ZNF341: variants seen among roughly 807,000 people sequenced by gnomAD.
ZNF341 encodes zinc finger protein 341.
Under a neutral mutation model 87.7 loss-of-function variants are expected in ZNF341, and 52 were observed. The ratio of observed to expected loss-of-function variants is 0.59; its 90% confidence interval spans 0.47 to 0.75. The LOEUF is 0.75. Among genes scored for constraint, ZNF341 ranks in the 30% least tolerant of loss-of-function variants. The pLI is 0.00. For missense variants in ZNF341, 977 were observed against 1,145.9 expected (o/e 0.85, Z 2.13); for synonymous variants, 459 against 472.7 (o/e 0.97, Z 0.38).
intron 1 of ZNF341, among the ~76,000 whole-genome samples, chr20:33,738,486 TTTCTCCCTAGTTATCTTG>T (rs1271367336): frequency 1.3e-4 from 20 of 152,172 alleles, no homozygotes; most frequent in African/African-American, 4.1e-4. Context: ...GTAAACTAAA[TTTCTCCCTAGTTATCTTG>T]GCCCAAGCCC....
At position 33,752,221 on chromosome 20, in the gene ZNF341, A is replaced by G. The variant is rs553109140; in HGVS notation, c.490-951A>G. On this transcript the variant is annotated intron_variant, in intron 4 of 14. Coordinates refer to ENST00000375200, the MANE Select transcript of ZNF341 (RefSeq NM_001282933.2). ...GATTTTTGAAAGTGGTAACAGGTAC[A>G]TAGGTAACCAAAGTATAGAGCTTAT... The G allele has an allele frequency of 2.1e-5, 12 of 570,818 alleles. No homozygotes were observed. In the East Asian group the frequency reaches 2.6e-4, roughly 12 times the overall value. The allele number at this position is 570,818 out of a possible 1,614,324, so 35.4% of individuals were successfully genotyped here. A position where few individuals can be genotyped will look rare whatever the true frequency, so the allele number is the denominator to read the frequency against.
chr20:33,791,512 G>A lies in ZNF341; in HGVS notation c.2560G>A (p.Glu854Lys), dbSNP rs145996048. 1,171 of 1,553,932 alleles carry A rather than the reference G, an allele frequency of 7.5e-4. 1 individual carries two copies. Among genetic ancestry groups the A allele is most frequent in the Non-Finnish European group, 9.4e-4 (1,087 of 1,153,094 alleles). Residue 854 changes from glutamate to lysine, a missense_variant, in exon 15 of 15, where the codon GAG becomes AAG. Physicochemically the swap from Glu to Lys is moderately conservative, Grantham distance 56. Around this residue, in one of 3 missense-constraint regions of ZNF341, gnomAD observed 221 missense variants for 212.7 expected, o/e 1.04. Coordinates refer to ENST00000375200, the MANE Select transcript of ZNF341 (RefSeq NM_001282933.2). ...TGTGCCCGTCTACATCCAGGCCTCC[G>A]AGTGACGGACCTGAGGTGTCTGTTT... ...LAVPVYIQAS[E>K]
rs754883944 is a variant in ZNF341, at chr20:33,791,101, G to A, written c.2149G>A (p.Ala717Thr). 9.9e-6 allele frequency: 16 copies of A among 1,612,860 alleles called. No individual in the cohort carries two copies. Among genetic ancestry groups the A allele is most frequent in the Admixed American group, 3.3e-5 (2 of 60,006 alleles). Residue 717 changes from alanine (A) to threonine (T), a missense_variant, in exon 15 of 15, where the codon GCC becomes ACC. Transcript: ENST00000375200. ...GNYKFRCAGC[A>T]KGFSRHKYLK... ...CTACAAGTTCCGCTGTGCTGGCTGC[G>A]CCAAGGGCTTTTCCCGCCACAAATA...
intron 8 of ZNF341, 127 bp downstream of exon 8, chr20:33,762,182 T>C (rs2019309342): frequency 1.3e-6 from 1 of 761,456 alleles, no homozygotes. Flanking sequence ...CCTTTATCTA[T>C]AAAATGTGGC....
chr20:33,736,220 C>A (rs1024031844), intron 1 of ZNF341, among the ~76,000 whole-genome samples: 34 of 151,088 alleles, frequency 2.3e-4, no homozygotes, highest in Admixed American at 1.6e-3. Flanking sequence ...TTCTGGCCCT[C>A]CTCCCCCACT....
chr20:33,763,120 G>A (rs1323761434), intron 8 of ZNF341, among the ~76,000 whole-genome samples: 1 of 152,146 alleles, frequency 6.6e-6, no homozygotes, highest in Non-Finnish European at 1.5e-5. Flanking sequence ...TAGTGACATT[G>A]TTGCCATTGT....
chr20:33,747,746 T>G (rs1243044296), intron 3 of ZNF341, among the ~76,000 whole-genome samples: 4 of 146,838 alleles, frequency 2.7e-5, no homozygotes, highest in South Asian at 2.3e-4. Flanking sequence ...AAGGTCTTAC[T>G]GTCGCTCAGG....
Position 33,791,398 on chromosome 20 carries a change from G to C in ZNF341, c.2446G>C (p.Val816Leu), listed in dbSNP as rs2020026939. The change falls in exon 15 of 15, where the codon GTG becomes CTG. Residue 816 changes from valine (V) to leucine (L), a missense_variant. Physicochemically the swap from Val to Leu is conservative, Grantham distance 32 (BLOSUM62 1). Transcript: ENST00000375200. ...TGCGGTGGGCGCGGAAACTGAGCTG[G>C]TGGTACCTGGACACGCTGAGGGGCT... ...GGAVGAETEL[V>L]VPGHAEGLGS... is the part of the protein sequence containing the mutation. 3 of 1,612,500 alleles carry C rather than the reference G, an allele frequency of 1.9e-6. No individual in the cohort carries two copies. Among genetic ancestry groups the C allele is most frequent in the Non-Finnish European group, 2.5e-6 (3 of 1,179,740 alleles).
At chr20:33,738,626 A>C (rs1248076965) in intron 1 of ZNF341, among the ~76,000 whole-genome samples, 1 of 152,194 alleles carries the variant, frequency 6.6e-6, no homozygotes. Flanking sequence ...AGGTGGTTCC[A>C]GATAGTGGAG....
chr20:33,779,416 T>C (rs1167401609), intron 10 of ZNF341, among the ~76,000 whole-genome samples: 1 of 150,846 alleles, frequency 6.6e-6, no homozygotes, highest in East Asian at 1.9e-4. Context: ...GGGACACAGA[T>C]ACAAACTATG....
intron 8 of ZNF341, among the ~76,000 whole-genome samples, 173 bp downstream of exon 8, chr20:33,762,228 G>T (rs955347113): frequency 1.3e-5 from 2 of 152,074 alleles, no homozygotes; most frequent in Non-Finnish European, 2.9e-5. Context: ...CATACAACAT[G>T]TGTGGCATTA....
Position 33,757,240 on chromosome 20 carries a change from C to T in ZNF341, c.834C>T (p.Pro278=), listed in dbSNP as rs755246661. 124 of 1,605,414 alleles carry T rather than the reference C, an allele frequency of 7.7e-5. No homozygotes were observed. The highest frequency in any genetic ancestry group is 1.7e-4 in the Admixed American group (10 of 58,488). ...KQGFKPKGPN[P]AAPMTSATGG... is the part of the protein sequence containing the mutation. The stretch of plus-strand genomic sequence containing the variant: ...GATTCAAACCCAAAGGACCAAACCC[C>T]GCCGCCCCCATGACCAGCGCCACCG... The change falls in exon 6 of 15, where the codon CCC becomes CCT. Residue 278 remains proline (P), a synonymous_variant. Coordinates refer to ENST00000375200, the MANE Select transcript of ZNF341 (RefSeq NM_001282933.2).
At chr20:33,739,595 G>C (rs537113334) in intron 1 of ZNF341, among the ~76,000 whole-genome samples, 25 of 152,348 alleles carry the variant, frequency 1.6e-4, no homozygotes, top group African/African-American at 2.4e-4. Flanking sequence ...AAAAAAGATA[G>C]ACACACATTG....
At chr20:33,781,685 T>C (rs1336181428) in intron 11 of ZNF341, among the ~76,000 whole-genome samples, 1 of 150,664 alleles carries the variant, frequency 6.6e-6, no homozygotes, top group Non-Finnish European at 1.5e-5. Flanking sequence ...CTTATTACAA[T>C]TGGCTCTTCT....
rs753182939 is a variant in ZNF341 at position 33,791,157 on chromosome 20, C to T, written c.2205C>T (p.Pro735=). The change falls in exon 15 of 15, where the codon CCC becomes CCT. Residue 735 remains proline (P), a synonymous_variant. Transcript: ENST00000375200. ...YLKDHRCRLG[P]QKDKDLQTRR... is the part of the protein sequence containing the mutation. ...AAGATCACCGCTGTCGTCTCGGCCC[C>T]CAAAAGGACAAGGACCTGCAAACCC... is the stretch of plus-strand genomic sequence containing the variant. 1.9e-6 allele frequency: 3 copies of T among 1,613,270 alleles called. No individual in the cohort carries two copies. The highest frequency in any genetic ancestry group is 1.1e-5 in the South Asian group (1 of 91,088).
At chr20:33,741,065 A>G in intron 2 of ZNF341, 53 bp downstream of exon 2, 1 of 1,519,706 alleles carries the variant, frequency 6.6e-7, no homozygotes, top group Non-Finnish European at 9.1e-7. Flanking sequence ...CCCCGCGAAG[A>G]GTAGGTGGAG....
At chr20:33,752,871 G>A (rs1843717804) in intron 4 of ZNF341, among the ~76,000 whole-genome samples, 2 of 151,626 alleles carry the variant, frequency 1.3e-5, no homozygotes, top group South Asian at 2.1e-4. Context: ...AGGTTGTCTC[G>A]ATCTCCTGAC....
intron 6 of ZNF341, among the ~76,000 whole-genome samples, chr20:33,757,999 T>C (rs2019215924): frequency 1.3e-5 from 2 of 152,128 alleles, no homozygotes; most frequent in Admixed American, 1.3e-4. Context: ...TGAGAATTTT[T>C]CAGTGGCTTT....
intron 13 of ZNF341, 148 bp downstream of exon 13, chr20:33,789,122 C>T: frequency 1.6e-6 from 1 of 632,144 alleles, no homozygotes; most frequent in Non-Finnish European, 2.7e-6. Context: ...GTCATCCAGG[C>T]TGGAGTGCAG....
Sources: gnomAD v4.1 joint callset for allele counts (sites outside exome capture counted in the v4.1 genomes callset) on GRCh38, gnomAD v4.1.1 for gene constraint, gnomAD v4.1.1 regional missense constraint, MANE v1.5 for transcripts, NCBI Gene and HGNC (gene_info 2026-07-23, HGNC 2026-07-21) for gene names.